SVIL: variants seen among roughly 807,000 people sequenced by gnomAD.
The protein encoded by SVIL is archvillin.
In SVIL, 101 loss-of-function variants were observed where a neutral mutation model predicts 240.4. The observed-to-expected ratio is 0.42, with a 90% confidence interval of 0.36 to 0.50. SVIL has a LOEUF of 0.50. Ranked by LOEUF, SVIL falls within the 20% of genes least tolerant of loss-of-function variation. The pLI, the probability that SVIL is intolerant of heterozygous loss-of-function variation, is 0.01. For synonymous variants in SVIL, 999 were observed against 1,100.0 expected (o/e 0.91, Z 1.82); for missense variants, 2,512 against 2,818.7 (o/e 0.89, Z 2.46).
intron 2 of SVIL, among the ~76,000 whole-genome samples, chr10:29,677,229 A>T (rs965582156): frequency 6.6e-6 from 1 of 152,128 alleles, no homozygotes; most frequent in Admixed American, 6.5e-5. Flanking sequence ...TGCCACAAAG[A>T]TGCATTCACT....
rs750857578 is a variant in SVIL at position 29,493,338 on chromosome 10, C to G, written c.3895G>C (p.Val1299Leu). 17 of 1,614,164 alleles carry G rather than the reference C, an allele frequency of 1.1e-5. No individual in the cohort carries two copies. In the South Asian group the frequency reaches 1.2e-4, roughly 11 times the overall value. Residue 1299 changes from valine (V) to leucine (L), a missense_variant, in exon 21 of 38, where the codon GTG becomes CTG. By Grantham distance (32) the Val-to-Leu change is conservative (BLOSUM62 1). This residue lies in a region of SVIL where 272 missense variants were observed against 406.8 expected (regional missense o/e 0.67). Transcript: ENST00000355867. ...LTVTGKSVKE[V>L]MKPDDDETFA... ...GTTTCATCATCATCTGGCTTCATCACCTCCTTCACAGATTTGCCGGTGACA... is the reference window on the plus strand; with the variant it reads ...GTTTCATCATCATCTGGCTTCATCAGCTCCTTCACAGATTTGCCGGTGACA...
chr10:29,603,125 G>T (rs1412940776), intron 1 of SVIL, among the ~76,000 whole-genome samples: 2 of 152,144 alleles, frequency 1.3e-5, no homozygotes, highest in Non-Finnish European at 2.9e-5. Context: ...TGCTTTGGAG[G>T]TAAATAAATA....
chr10:29,525,459 T>C (rs573456760), intron 13 of SVIL, among the ~76,000 whole-genome samples: 2 of 151,988 alleles, frequency 1.3e-5, no homozygotes, highest in East Asian at 3.9e-4. Flanking sequence ...ACAAAAAATA[T>C]AAAAATTAGC....
At chr10:29,605,900 A>G (rs11814973) in intron 1 of SVIL, among the ~76,000 whole-genome samples, 2,995 of 151,824 alleles carry the variant, frequency 0.02, 101 homozygotes, top group African/African-American at 0.069. Flanking sequence ...TTCTTCTAGT[A>G]CTTATTAGTT....
At chr10:29,542,364 A>G (rs1163876786) in intron 6 of SVIL, among the ~76,000 whole-genome samples, 1 of 152,222 alleles carries the variant, frequency 6.6e-6, no homozygotes, top group East Asian at 1.9e-4. Flanking sequence ...AGCTTCTACT[A>G]AAGTAATGCT....
At chr10:29,571,581 CTG>C (rs1955420287) in intron 1 of SVIL, among the ~76,000 whole-genome samples, 1 of 152,156 alleles carries the variant, frequency 6.6e-6, no homozygotes. Context: ...ATGAGTGAAA[CTG>C]TGGGAAAAGA....
chr10:29,523,337 C>T (rs890521007), intron 15 of SVIL, 114 bp downstream of exon 15: 6 of 938,162 alleles, frequency 6.4e-6, no homozygotes, highest in Non-Finnish European at 6.2e-6. Flanking sequence ...TTAACCAATA[C>T]TAGCTGTAAA....
intron 1 of SVIL, chr10:29,602,116 C>CT: frequency 2.8e-6 from 1 of 361,580 alleles, no homozygotes; most frequent in Non-Finnish European, 5.5e-6. Flanking sequence ...CAATATTTTG[C>CT]TTTTAACAAT....
chr10:29,645,609 C>A (rs774607470), intron 3 of SVIL, among the ~76,000 whole-genome samples: 2 of 151,912 alleles, frequency 1.3e-5, no homozygotes, highest in African/African-American at 2.4e-5. Flanking sequence ...GCGCTCCAAG[C>A]GAGATAAAAT....
At chr10:29,474,072 C>G in intron 29 of SVIL, 83 bp from the exon 30 acceptor site, 1 of 1,526,548 alleles carries the variant, frequency 6.6e-7, no homozygotes, top group Admixed American at 2.0e-5. Flanking sequence ...TTTCCCCGGG[C>G]CTGCAAGGAC....
In SVIL at chr10:29,507,382, C is replaced by T. The variant is rs531488653; in HGVS notation, c.3516+5353G>A. Among the ~76,000 whole-genome samples the T allele has an allele frequency of 3.6e-3, 544 of 152,256 alleles. 3 individuals are homozygous for T. The highest frequency in any genetic ancestry group is 0.012 in the African/African-American group (517 of 41,524). ...TCCTCTTAAACCAGTTTCATGACTA[C>T]GAGGTGAATTAATGCCATCCAGTCC... On this transcript the variant is annotated intron_variant, in intron 17 of 37. Coordinates refer to ENST00000355867, the MANE Select transcript of SVIL (RefSeq NM_021738.3).
At chr10:29,707,603 T>A (rs1230969758) in intron 1 of SVIL, among the ~76,000 whole-genome samples, 1 of 152,186 alleles carries the variant, frequency 6.6e-6, no homozygotes, top group Non-Finnish European at 1.5e-5. Flanking sequence ...GTGGTAATAG[T>A]GACAGCAGTA....
chr10:29,556,308 C>A (rs1214578215), intron 3 of SVIL, among the ~76,000 whole-genome samples: 3 of 152,124 alleles, frequency 2.0e-5, no homozygotes, highest in African/African-American at 7.2e-5. Flanking sequence ...AGCCTGGGGC[C>A]AGGGCCAATG....
intron 1 of SVIL, among the ~76,000 whole-genome samples, chr10:29,708,131 G>A (rs566051010): frequency 3.3e-5 from 5 of 151,896 alleles, no homozygotes; most frequent in African/African-American, 7.2e-5. Context: ...GGTGGAGGGC[G>A]CCTGTAGTCC....
At chr10:29,606,313 G>T (rs1589373149) in intron 1 of SVIL, among the ~76,000 whole-genome samples, 1 of 152,284 alleles carries the variant, frequency 6.6e-6, no homozygotes, top group East Asian at 1.9e-4. Context: ...CCAAAGTGCT[G>T]GGATTACAGA....
At chr10:29,665,227 CAAAAAAAAAA>C (rs58164251) in intron 2 of SVIL, among the ~76,000 whole-genome samples, 2 of 67,380 alleles carry the variant, frequency 3.0e-5, no homozygotes, top group Admixed American at 3.8e-4. Context: ...GATCTTGTCT[CAAAAAAAAAA>C]AAAAAAAAAA....
chr10:29,608,871 G>C lies in SVIL; in HGVS notation c.-201+25549C>G, dbSNP rs538782769. Reference sequence around the variant, plus strand: ...TAAGCCAGGGATGGCCTGAAGCCTGGGGGCTCAGCTGTCCGTTCCAGGTGG... The same window carrying C: ...TAAGCCAGGGATGGCCTGAAGCCTGCGGGCTCAGCTGTCCGTTCCAGGTGG... On this transcript the variant is annotated intron_variant, in intron 1 of 37. Transcript: ENST00000355867. Among the ~76,000 whole-genome samples the C allele has an allele frequency of 2.0e-5, 3 of 152,330 alleles. No individual in the cohort carries two copies. In the East Asian group the frequency reaches 5.8e-4, roughly 29 times the overall value.
Position 29,484,667 on chromosome 10 carries a change from C to T in SVIL, c.4944G>A (p.Pro1648=), listed in dbSNP as rs752887931. 1.2e-5 allele frequency: 20 copies of T among 1,611,840 alleles called. No homozygotes were observed. Among genetic ancestry groups the T allele is most frequent in the South Asian group, 4.4e-5 (4 of 90,624 alleles). Residue 1648 remains proline, a synonymous_variant, in exon 27 of 38, where the codon CCG becomes CCA. Transcript: ENST00000355867. The surrounding 1 kb of genome is among the most constrained non-coding windows in gnomAD (Gnocchi z 4.7). ...INPLDPGECN[P]LIPRKGQGRP... Reference sequence around the variant, plus strand: ...GGCGGCAGGAGTACCTGGGGATAAGCGGATTGCATTCTCCAGGATCCAGGG... The same window carrying T: ...GGCGGCAGGAGTACCTGGGGATAAGTGGATTGCATTCTCCAGGATCCAGGG...
At chr10:29,733,622 G>A (rs7913784) in intron 1 of SVIL, among the ~76,000 whole-genome samples, 60,245 of 152,072 alleles carry the variant, frequency 0.4, 12,362 homozygotes, top group East Asian at 0.57. Flanking sequence ...TATGTTTTAA[G>A]AGAAGAAAGT....
Sources: allele counts gnomAD v4.1 joint callset (sites outside exome capture counted in the v4.1 genomes callset), GRCh38; gene constraint gnomAD v4.1.1; regional missense constraint gnomAD v4.1.1; non-coding constraint Gnocchi (gnomAD v3.1); transcripts MANE v1.5; gene names NCBI Gene and HGNC (gene_info 2026-07-23, HGNC 2026-07-21).